Variants in TXNDC9 observed in about 807,000 individuals in gnomAD.
TXNDC9 encodes the protein thioredoxin domain-containing protein 9.
In TXNDC9, 7 loss-of-function variants were observed where a neutral mutation model predicts 23.0. The observed-to-expected ratio is 0.30, with a 90% CI of 0.17 to 0.57. The LOEUF (loss-of-function observed/expected upper bound fraction) is 0.57, where lower values mean the gene tolerates loss of function less well. Ranked by LOEUF, TXNDC9 falls within the 20% of genes least tolerant of loss-of-function variation. TXNDC9 has a pLI of 0.90. For synonymous variants in TXNDC9, 72 were observed against 90.6 expected (o/e 0.79, Z 1.17); for missense variants, 198 against 252.6 (o/e 0.78, Z 1.47).
At chr2:99,315,406 T>C (rs1042377076), downstream of TXNDC9, among the ~76,000 whole-genome samples, 1 of 152,166 alleles carries the variant, frequency 6.6e-6, no homozygotes, top group African/African-American at 2.4e-5. Flanking sequence ...ATTCTTTTTA[T>C]TGGGTTGAAA....
intron 1 of TXNDC9, 49 bp from the exon 2 acceptor site, chr2:99,333,291 C>A: frequency 6.8e-7 from 1 of 1,465,352 alleles, no homozygotes; most frequent in South Asian, 1.4e-5. Flanking sequence ...AAACAATAAG[C>A]AAGGTTTTCT....
At chr2:99,310,037 A>G in the TXNDC9 span, among the ~76,000 whole-genome samples, 1 of 152,216 alleles carries the variant, frequency 6.6e-6, no homozygotes, top group Non-Finnish European at 1.5e-5. Flanking sequence ...GGGAATAAAA[A>G]GAGTACCTAC....
downstream of TXNDC9, among the ~76,000 whole-genome samples, chr2:99,316,020 T>C (rs1265558474): frequency 6.6e-6 from 1 of 152,176 alleles, no homozygotes; most frequent in African/African-American, 2.4e-5. Context: ...TTTGAATTTG[T>C]TGAATTTGCA....
chr2:99,326,029 CA>C (rs557671573), intron 3 of TXNDC9, among the ~76,000 whole-genome samples: 13 of 143,844 alleles, frequency 9.0e-5, no homozygotes, highest in Admixed American at 1.4e-4. Context: ...AAAAAAACAA[CA>C]AAAAAAAAAC....
chr2:99,312,466 C>T, the TXNDC9 span, among the ~76,000 whole-genome samples: 13 of 144,852 alleles, frequency 9.0e-5, no homozygotes, highest in East Asian at 1.0e-3. Context: ...CACTGCACTA[C>T]AGCCTGGGCA....
chr2:99,307,243 C>A, the TXNDC9 span, among the ~76,000 whole-genome samples: 2 of 151,372 alleles, frequency 1.3e-5, no homozygotes, highest in Non-Finnish European at 2.9e-5. Flanking sequence ...GATCTGCCTT[C>A]TGAGGTATGG....
chr2:99,323,041 G>A (rs139282925), intron 3 of TXNDC9, among the ~76,000 whole-genome samples: 43 of 152,234 alleles, frequency 2.8e-4, no homozygotes, highest in African/African-American at 8.7e-4. Context: ...GATTACAAGC[G>A]TGAGCCACTG....
chr2:99,312,568 TAG>T, the TXNDC9 span, among the ~76,000 whole-genome samples: 35 of 151,940 alleles, frequency 2.3e-4, no homozygotes, highest in South Asian at 7.1e-3. Flanking sequence ...TTGCATTAAT[TAG>T]AGAGGTGGCA....
At chr2:99,330,811 T>C (rs2094223653) in intron 2 of TXNDC9, among the ~76,000 whole-genome samples, 1 of 152,258 alleles carries the variant, frequency 6.6e-6, no homozygotes, top group South Asian at 2.1e-4. Context: ...ATCTAATTAC[T>C]GTATAATCTC....
intron 1 of TXNDC9, among the ~76,000 whole-genome samples, chr2:99,333,488 G>A (rs2094230800): frequency 6.6e-6 from 1 of 152,134 alleles, no homozygotes; most frequent in Non-Finnish European, 1.5e-5. Context: ...TTTAGCATAT[G>A]TTTTACTATA....
intron 2 of TXNDC9, among the ~76,000 whole-genome samples, chr2:99,332,211 G>A (rs907373072): frequency 1.3e-5 from 2 of 152,240 alleles, no homozygotes; most frequent in African/African-American, 4.8e-5. Flanking sequence ...GGCAGGCTAA[G>A]GTGGGCGGAT....
At chr2:99,306,333 G>A in the TXNDC9 span, among the ~76,000 whole-genome samples, 1 of 152,216 alleles carries the variant, frequency 6.6e-6, no homozygotes, top group African/African-American at 2.4e-5. Context: ...TTGAAAAAGT[G>A]AGGATCCAGG....
chr2:99,325,380 C>T (rs553582267), intron 3 of TXNDC9, among the ~76,000 whole-genome samples: 2 of 152,194 alleles, frequency 1.3e-5, no homozygotes, highest in South Asian at 4.1e-4. Flanking sequence ...TTCTCCAAAT[C>T]TTGGTTTCCA....
At position 99,321,042 on chromosome 2, in the gene TXNDC9, G is replaced by C. The variant is rs932892024; in HGVS notation, c.563+913C>G. ...CTGAGATTACACAAGTGCCCCACCCGGCTGCAATTTGTTTAAGGCTTAAAA... is the reference window on the plus strand; with the variant it reads ...CTGAGATTACACAAGTGCCCCACCCCGCTGCAATTTGTTTAAGGCTTAAAA... On this transcript the variant is annotated intron_variant, in intron 4 of 4. Transcript: ENST00000264255. The C allele has an allele frequency of 6.6e-5, 10 of 151,816 alleles. No homozygotes were observed. The East Asian group carries it at 1.9e-3, about 29-fold the overall frequency. 9.4% of individuals were successfully genotyped at this position (151,816 alleles called of 1,614,324 possible).
At chr2:99,306,230 C>T in the TXNDC9 span, among the ~76,000 whole-genome samples, 4 of 119,684 alleles carry the variant, frequency 3.3e-5, no homozygotes, top group Non-Finnish European at 7.3e-5. Context: ...AAGGAGAGAC[C>T]AGAGAATTGA....
At chr2:99,318,549 C>G (rs1270189155), downstream of TXNDC9, among the ~76,000 whole-genome samples, 1 of 152,116 alleles carries the variant, frequency 6.6e-6, no homozygotes, top group Non-Finnish European at 1.5e-5. Context: ...CGGGTGGGGA[C>G]AGTGGCCTGC....
At chr2:99,312,004 GTTGT>G in the TXNDC9 span, among the ~76,000 whole-genome samples, 1 of 152,180 alleles carries the variant, frequency 6.6e-6, no homozygotes, top group Non-Finnish European at 1.5e-5. Flanking sequence ...AAGGCCATAA[GTTGT>G]TTGTTTGGAT....
chr2:99,333,342 T>C, intron 1 of TXNDC9, 100 bp from the exon 2 acceptor site: 2 of 925,284 alleles, frequency 2.2e-6, no homozygotes, highest in East Asian at 2.7e-5. Context: ...TAATGTGTAC[T>C]CTATGGAGTA....
chr2:99,315,884 A>G (rs1480079745), downstream of TXNDC9, among the ~76,000 whole-genome samples: 2 of 152,168 alleles, frequency 1.3e-5, no homozygotes, highest in Admixed American at 6.6e-5. Context: ...AAGTTTTGAT[A>G]TCCGAGTGAG....
Sources: allele counts gnomAD v4.1 joint callset (sites outside exome capture counted in the v4.1 genomes callset), GRCh38; gene constraint gnomAD v4.1.1; transcripts MANE v1.5; gene names NCBI Gene and HGNC (gene_info 2026-07-23, HGNC 2026-07-21).